Variants in AFF3 observed in about 807,000 individuals in gnomAD.
The protein encoded by AFF3 is AF4/FMR2 family member 3.
Under a neutral mutation model 129.7 loss-of-function variants are expected in AFF3, and 32 were observed. That is an observed-to-expected ratio of 0.25 (90% CI 0.19 to 0.33). The LOEUF (loss-of-function observed/expected upper bound fraction) is 0.33, where lower values mean the gene tolerates loss of function less well. Among genes scored for constraint, AFF3 ranks in the 10% least tolerant of loss-of-function variants. The pLI is 1.00. For synonymous variants in AFF3, 644 were observed against 635.4 expected (o/e 1.01, Z -0.20); for missense variants, 1,373 against 1,592.0 (o/e 0.86, Z 2.34).
intron 11 of AFF3, among the ~76,000 whole-genome samples, chr2:99,726,302 T>C (rs1008702996): frequency 1.3e-5 from 2 of 152,220 alleles, no homozygotes; most frequent in African/African-American, 4.8e-5. Context: ...ATGCTGTTTT[T>C]TAAAATCCTG....
rs74392564 is a variant in AFF3, at chr2:99,610,764, T to C, written c.1185-9143A>G. Among the ~76,000 whole-genome samples, 752 of 152,334 alleles carry C rather than the reference T, an allele frequency of 4.9e-3. 7 individuals carry two copies. Among genetic ancestry groups the C allele is most frequent in the African/African-American group, 0.017 (722 of 41,578 alleles). The stretch of plus-strand genomic sequence containing the variant: ...GGACTCTGATGAGTCTGGGTGGGGA[T>C]TTCTTTGAGTTCACCTTGTTTGGGA... On this transcript the variant is annotated intron_variant, in intron 13 of 24. Transcript: ENST00000672756.
At chr2:99,854,951 T>C (rs551897774) in intron 7 of AFF3, among the ~76,000 whole-genome samples, 23 of 152,244 alleles carry the variant, frequency 1.5e-4, no homozygotes, top group South Asian at 1.2e-3. Context: ...CATATGCAAA[T>C]AGATGAACCT....
intron 4 of AFF3, among the ~76,000 whole-genome samples, chr2:100,043,506 T>C (rs1200338633): frequency 1.3e-5 from 2 of 152,180 alleles, no homozygotes; most frequent in Admixed American, 6.5e-5. Flanking sequence ...GGGGAGACTG[T>C]AATATCGAAA....
chr2:99,898,149 T>C (rs1243756479), intron 7 of AFF3, among the ~76,000 whole-genome samples: 1 of 152,206 alleles, frequency 6.6e-6, no homozygotes, highest in Non-Finnish European at 1.5e-5. Context: ...TTAACAAAAA[T>C]GTTTGCAGAG....
At position 99,687,200 on chromosome 2, in the gene AFF3, C is replaced by A. The variant is rs1346449968; in HGVS notation, c.1092-14611G>T. On this transcript the variant is annotated intron_variant, in intron 11 of 24. Coordinates refer to ENST00000672756, the MANE Select transcript of AFF3 (RefSeq NM_001386135.1). ...TATGTGGCCAAGAGATGTGTTCCTACCACAAACGTATTCCTGGCTTCTGAG... is the reference window on the plus strand; with the variant it reads ...TATGTGGCCAAGAGATGTGTTCCTAACACAAACGTATTCCTGGCTTCTGAG... Among the ~76,000 whole-genome samples the A allele has an allele frequency of 3.3e-5, 5 of 152,358 alleles. No individual in the cohort carries two copies. The East Asian group carries it at 7.7e-4, about 23-fold the overall frequency.
At chr2:99,707,940 T>A (rs548134952) in intron 11 of AFF3, among the ~76,000 whole-genome samples, 152 of 152,316 alleles carry the variant, frequency 1.0e-3, no homozygotes, top group Non-Finnish European at 2.0e-3. Flanking sequence ...GAATTAAGAA[T>A]TTAAAGTCCG....
At chr2:100,024,187 G>C (rs372086432) in intron 4 of AFF3, among the ~76,000 whole-genome samples, 1 of 122,154 alleles carries the variant, frequency 8.2e-6, no homozygotes, top group Non-Finnish European at 1.6e-5. Context: ...AGCCGAGATC[G>C]CGCCACTGCA....
At chr2:99,737,173 A>G (rs1324762422) in intron 10 of AFF3, among the ~76,000 whole-genome samples, 1 of 152,182 alleles carries the variant, frequency 6.6e-6, no homozygotes, top group Non-Finnish European at 1.5e-5. Context: ...ACAGGAACTT[A>G]GAAGATTTTA....
At chr2:100,013,138 T>C (rs1682694227) in intron 4 of AFF3, among the ~76,000 whole-genome samples, 1 of 152,214 alleles carries the variant, frequency 6.6e-6, no homozygotes, top group Non-Finnish European at 1.5e-5. Context: ...TTTTTGATCA[T>C]TTCTCACTTA....
intron 11 of AFF3, among the ~76,000 whole-genome samples, chr2:99,702,178 C>T (rs964294164): frequency 2.0e-5 from 3 of 152,204 alleles, no homozygotes; most frequent in Non-Finnish European, 4.4e-5. Context: ...ATAAAAGGAA[C>T]TACCAAATTA....
At chr2:99,934,742 C>T (rs901308818) in intron 7 of AFF3, among the ~76,000 whole-genome samples, 14 of 152,196 alleles carry the variant, frequency 9.2e-5, no homozygotes, top group African/African-American at 2.9e-4. Context: ...GCAGGAGGAC[C>T]GTCTTCTATT....
intron 10 of AFF3, among the ~76,000 whole-genome samples, chr2:99,730,621 T>C (rs555082685): frequency 6.6e-6 from 1 of 151,636 alleles, no homozygotes; most frequent in East Asian, 2.0e-4. Flanking sequence ...TCAAAGCGAT[T>C]CTCCTGCCTC....
At chr2:99,988,860 C>T (rs1185560579) in intron 7 of AFF3, among the ~76,000 whole-genome samples, 2 of 152,062 alleles carry the variant, frequency 1.3e-5, no homozygotes, top group Non-Finnish European at 2.9e-5. Context: ...TTCCTTACTA[C>T]AGAAAAATAT....
At chr2:100,021,160 C>A (rs956048054) in intron 4 of AFF3, among the ~76,000 whole-genome samples, 1 of 152,142 alleles carries the variant, frequency 6.6e-6, no homozygotes. Context: ...ATAAGTCGTA[C>A]GTAGAACCCT....
At chr2:99,870,951 T>TC (rs1691828084) in intron 7 of AFF3, among the ~76,000 whole-genome samples, 1 of 152,192 alleles carries the variant, frequency 6.6e-6, no homozygotes, top group African/African-American at 2.4e-5. Context: ...ATTATTCTCC[T>TC]CATAGGCATT....
intron 17 of AFF3, among the ~76,000 whole-genome samples, chr2:99,581,951 T>G (rs1265406968): frequency 1.3e-5 from 2 of 148,402 alleles, no homozygotes; most frequent in Non-Finnish European, 3.0e-5. Flanking sequence ...ACCTCCCAGG[T>G]TCAAGCAATT....
chr2:100,136,218 G>A (rs1247863231), intron 1 of AFF3, among the ~76,000 whole-genome samples: 6 of 152,208 alleles, frequency 3.9e-5, no homozygotes, highest in South Asian at 4.1e-4. Context: ...TTTGGGCATC[G>A]TTGGTGTTTC....
chr2:99,920,364 T>C (rs530415291), intron 7 of AFF3, among the ~76,000 whole-genome samples: 1 of 152,206 alleles, frequency 6.6e-6, no homozygotes, highest in East Asian at 1.9e-4. Context: ...CTAGAGTTTA[T>C]TTCAGGAATT....
At chr2:100,107,370 T>C in intron 2 of AFF3, 3 of 985,466 alleles carry the variant, frequency 3.0e-6, no homozygotes, top group Non-Finnish European at 3.6e-6. Context: ...CTTAATCTAG[T>C]TGTCAAAATT....
Sources: allele counts gnomAD v4.1 joint callset (sites outside exome capture counted in the v4.1 genomes callset), GRCh38; gene constraint gnomAD v4.1.1; transcripts MANE v1.5; gene names NCBI Gene and HGNC (gene_info 2026-07-23, HGNC 2026-07-21).